The following LRP1B variants were observed in gnomAD, a reference collection of about 807,000 sequenced individuals.
The protein encoded by LRP1B is LDL receptor related protein 1B, also known as low-density lipoprotein receptor-related protein 1B.
A neutral mutation model predicts 556.6 loss-of-function variants in LRP1B; 217 were observed. The ratio of observed to expected loss-of-function variants is 0.39; its 90% CI spans 0.35 to 0.44. LRP1B has a LOEUF of 0.44. Among genes scored for constraint, LRP1B ranks in the 20% least tolerant of loss-of-function variants. The pLI is 1.00. For missense variants in LRP1B, 5,053 were observed against 5,620.8 expected (o/e 0.90, Z 3.23); for synonymous variants, 2,047 against 1,865.8 (o/e 1.10, Z -2.50).
At chr2:140,365,313 A>G (rs1202101214) in intron 71 of LRP1B, among the ~76,000 whole-genome samples, 1 of 151,668 alleles carries the variant, frequency 6.6e-6, no homozygotes, top group Non-Finnish European at 1.5e-5. Context: ...ATATCATACC[A>G]TATTTCAGGG....
At chr2:141,112,071 T>TAAATAAATAATA (rs1553461490) in intron 7 of LRP1B, among the ~76,000 whole-genome samples, 1 of 145,754 alleles carries the variant, frequency 6.9e-6, no homozygotes, top group African/African-American at 2.6e-5. Context: ...AATAAATAAA[T>TAAATAAATAATA]AATAAATAAA....
At chr2:141,280,123 C>A (rs188569687) in intron 3 of LRP1B, among the ~76,000 whole-genome samples, 78 of 152,076 alleles carry the variant, frequency 5.1e-4, no homozygotes, top group Non-Finnish European at 6.6e-4. Context: ...TCTGAGCCAC[C>A]TCTTACTACG....
chr2:140,775,114 A>G (rs1253802319), intron 33 of LRP1B, among the ~76,000 whole-genome samples: 1 of 152,038 alleles, frequency 6.6e-6, no homozygotes, highest in Non-Finnish European at 1.5e-5. Context: ...TGCTTGGGGC[A>G]AGTAAAGATT....
chr2:142,020,969 T>A (rs1193738287), intron 1 of LRP1B, among the ~76,000 whole-genome samples: 1 of 152,224 alleles, frequency 6.6e-6, no homozygotes, highest in Admixed American at 6.5e-5. Flanking sequence ...TCTACTTCCA[T>A]GAATGACAGT....
rs747010804 is a variant in LRP1B at position 140,325,891 on chromosome 2, C to T, written c.12224-13G>A. 2 of 1,432,676 alleles carry T rather than the reference C, an allele frequency of 1.4e-6. No individual in the cohort carries two copies. Among genetic ancestry groups the T allele is most frequent in the Non-Finnish European group, 1.9e-6 (2 of 1,028,756 alleles). 88.7% of individuals were successfully genotyped at this position (1,432,676 alleles called of 1,614,324 possible). A position where few individuals can be genotyped will look rare whatever the true frequency, so the allele number is the denominator to read the frequency against. ...TCCACAGCCAAACCTGCAAAATCAACACACACAAGACAAATAGTGCAAGTA... is the reference window on the plus strand; with the variant it reads ...TCCACAGCCAAACCTGCAAAATCAATACACACAAGACAAATAGTGCAAGTA... On this transcript the variant is annotated splice_polypyrimidine_tract_variant and intron_variant, in intron 79 of 90. Transcript: ENST00000389484.
chr2:140,824,694 TTA>T (rs1244840481), intron 31 of LRP1B, among the ~76,000 whole-genome samples: 1 of 152,158 alleles, frequency 6.6e-6, no homozygotes, highest in Admixed American at 6.5e-5. Context: ...TGGGAGCACT[TTA>T]ATATGTTTTT....
At chr2:141,046,439 G>A (rs1698871972) in intron 11 of LRP1B, among the ~76,000 whole-genome samples, 1 of 152,042 alleles carries the variant, frequency 6.6e-6, no homozygotes, top group African/African-American at 2.4e-5. Flanking sequence ...ATTGTAATGT[G>A]TATCATTATT....
intron 32 of LRP1B, among the ~76,000 whole-genome samples, chr2:140,788,027 G>A (rs73964604): frequency 0.014 from 2,203 of 152,244 alleles, 58 homozygotes; most frequent in African/African-American, 0.05. Context: ...CACAAACTTG[G>A]TGTGATAATT....
chr2:140,852,318 C>T (rs753571136), intron 27 of LRP1B, among the ~76,000 whole-genome samples: 1 of 152,146 alleles, frequency 6.6e-6, no homozygotes, highest in Non-Finnish European at 1.5e-5. Context: ...CAGAGTGAGA[C>T]TCCATCTCAA....
chr2:140,561,398 A>T (rs180787874), intron 43 of LRP1B, among the ~76,000 whole-genome samples: 1 of 152,306 alleles, frequency 6.6e-6, no homozygotes, highest in Non-Finnish European at 1.5e-5. Context: ...TCATATTTCT[A>T]CATGGCTGTC....
At chr2:141,842,571 A>C (rs2105762268) in intron 1 of LRP1B, among the ~76,000 whole-genome samples, 1 of 152,234 alleles carries the variant, frequency 6.6e-6, no homozygotes, top group South Asian at 2.1e-4. Flanking sequence ...CCTGACACAA[A>C]ATAGTGTTAA....
chr2:140,392,749 ATCT>A (rs1684078192), intron 66 of LRP1B, among the ~76,000 whole-genome samples: 1 of 152,150 alleles, frequency 6.6e-6, no homozygotes, highest in African/African-American at 2.4e-5. Context: ...CTAAAGATGC[ATCT>A]TCTTCAAGAG....
At chr2:140,330,713 T>A (rs1432759280) in intron 79 of LRP1B, among the ~76,000 whole-genome samples, 2 of 151,888 alleles carry the variant, frequency 1.3e-5, no homozygotes, top group Non-Finnish European at 2.9e-5. Context: ...CAAGAAAAAA[T>A]TGACAAATAG....
intron 2 of LRP1B, among the ~76,000 whole-genome samples, chr2:141,747,325 T>G (rs757451066): frequency 2.6e-5 from 4 of 152,154 alleles, no homozygotes; most frequent in Non-Finnish European, 5.9e-5. Flanking sequence ...TCAGCAAAAA[T>G]GTTTTATTCA....
intron 6 of LRP1B, among the ~76,000 whole-genome samples, chr2:141,197,048 C>T (rs1681784094): frequency 1.3e-5 from 2 of 152,102 alleles, no homozygotes; most frequent in African/African-American, 4.8e-5. Context: ...TGATTTTGAT[C>T]CTCATTTGCC....
At chr2:141,693,428 T>C (rs1436411553) in intron 2 of LRP1B, among the ~76,000 whole-genome samples, 1 of 152,076 alleles carries the variant, frequency 6.6e-6, no homozygotes, top group Non-Finnish European at 1.5e-5. Flanking sequence ...AGATATTAGT[T>C]AATGTTATGC....
intron 18 of LRP1B, among the ~76,000 whole-genome samples, chr2:140,974,969 T>C (rs1166257104): frequency 6.6e-6 from 1 of 152,186 alleles, no homozygotes; most frequent in East Asian, 1.9e-4. Context: ...CTTTTACCTG[T>C]ATCTAGAGAA....
At chr2:142,093,699 C>T (rs1270135703) in intron 1 of LRP1B, among the ~76,000 whole-genome samples, 1 of 151,850 alleles carries the variant, frequency 6.6e-6, no homozygotes, top group African/African-American at 2.4e-5. Flanking sequence ...AAAGAGTAAA[C>T]CTGTGTGACA....
intron 27 of LRP1B, among the ~76,000 whole-genome samples, chr2:140,853,144 A>G (rs1692511762): frequency 1.3e-5 from 2 of 152,020 alleles, no homozygotes; most frequent in Non-Finnish European, 2.9e-5. Flanking sequence ...GAAACAGGTC[A>G]TGAAAGCTAG....
Sources: allele counts gnomAD v4.1 joint callset (sites outside exome capture counted in the v4.1 genomes callset), GRCh38; gene constraint gnomAD v4.1.1; transcripts MANE v1.5; gene names NCBI Gene and HGNC (gene_info 2026-07-23, HGNC 2026-07-21).